Variants in PCDHGA2 observed in about 807,000 individuals in gnomAD.
The protein encoded by PCDHGA2 is protocadherin gamma subfamily A, 2.
In PCDHGA2, 40 loss-of-function variants were observed where a neutral mutation model predicts 59.2. The observed-to-expected ratio is 0.68, with a 90% confidence interval of 0.52 to 0.88. The LOEUF is 0.88. Ranked by LOEUF, PCDHGA2 falls within the 40% of genes least tolerant of loss-of-function variation. The pLI, the probability that PCDHGA2 is intolerant of heterozygous loss-of-function variation, is 0.00. For missense variants in PCDHGA2, 1,226 were observed against 1,204.0 expected, an observed-to-expected ratio of 1.02 and a Z score of -0.27; for synonymous variants, 560 against 526.0, an observed-to-expected ratio of 1.06 and a Z score of -0.89.
intron 1 of PCDHGA2, among the ~76,000 whole-genome samples, chr5:141,347,396 C>T (rs1254792805): frequency 6.6e-6 from 1 of 152,026 alleles, no homozygotes; most frequent in Admixed American, 6.6e-5. Context: ...CTCAAGTGAT[C>T]TGCCCACGTC....
At chr5:141,383,257 G>C in intron 1 of PCDHGA2, 1 of 1,613,922 alleles carries the variant, frequency 6.2e-7, no homozygotes, top group Non-Finnish European at 8.5e-7. Flanking sequence ...TTACCCTATA[G>C]ACGTGGAAAT....
intron 1 of PCDHGA2, chr5:141,405,487 T>G (rs750718741): frequency 4.3e-6 from 4 of 924,990 alleles, no homozygotes; most frequent in Non-Finnish European, 6.4e-6. Context: ...TGGTGTGATC[T>G]CGGCTCATTG....
At chr5:141,460,411 T>TG (rs2098988114) in intron 1 of PCDHGA2, among the ~76,000 whole-genome samples, 1 of 152,212 alleles carries the variant, frequency 6.6e-6, no homozygotes, top group Non-Finnish European at 1.5e-5. Context: ...TTTGAGTTGA[T>TG]GTTTATGTAT....
intron 1 of PCDHGA2, chr5:141,414,540 C>A (rs1158346953): frequency 1.2e-5 from 19 of 1,613,948 alleles, no homozygotes; most frequent in Non-Finnish European, 1.5e-5. Context: ...ACCCACCTAC[C>A]TTCTCTCAAG....
chr5:141,409,761 T>A, intron 1 of PCDHGA2: 1 of 1,612,966 alleles, frequency 6.2e-7, no homozygotes, highest in Non-Finnish European at 8.5e-7. Context: ...CAGCGCGCCT[T>A]TGATCACGAG....
chr5:141,409,875 A>G, intron 1 of PCDHGA2: 1 of 1,612,810 alleles, frequency 6.2e-7, no homozygotes, highest in Non-Finnish European at 8.5e-7. Flanking sequence ...CGCAATGACA[A>G]CGCACCGCGG....
Position 141,487,291 on chromosome 5 carries a change from C to T in PCDHGA2, c.2425-7516C>T, listed in dbSNP as rs748961925. The stretch of plus-strand genomic sequence containing the variant: ...TGGCAATTTGCTTTGTCTCCTTTGG[C>T]TCATTCGTGGCACTACTCTCTAAGT... On this transcript the variant is annotated intron_variant, in intron 1 of 3. Transcript: ENST00000394576. This position sits in a 1 kb window ranked among gnomAD's most constrained non-coding sequence, Gnocchi z 5.0. The T allele has an allele frequency of 1.9e-5, 30 of 1,614,036 alleles. No homozygotes were observed. Among genetic ancestry groups the T allele is most frequent in the Non-Finnish European group, 2.5e-5 (30 of 1,180,020 alleles).
intron 1 of PCDHGA2, among the ~76,000 whole-genome samples, chr5:141,381,820 C>CTTTCTTTCTTTCT (rs1279410534): frequency 1.7e-3 from 198 of 119,790 alleles, no homozygotes; most frequent in African/African-American, 6.6e-3. Context: ...TTCTTTCTTT[C>CTTTCTTTCTTTCT]TTCTTCTTTT....
chr5:141,342,180 A>G (rs1561485197), intron 1 of PCDHGA2: 2 of 152,116 alleles, frequency 1.3e-5, no homozygotes, highest in Admixed American at 6.6e-5. Context: ...TATATCCTCA[A>G]TATAGTTTTG....
chr5:141,468,651 G>C (rs2099171216), intron 1 of PCDHGA2: 1 of 152,018 alleles, frequency 6.6e-6, no homozygotes, highest in African/African-American at 2.4e-5. Context: ...CGGATCACAA[G>C]GTCAGGAGAT....
intron 1 of PCDHGA2, chr5:141,352,508 CTA>C: frequency 6.2e-7 from 1 of 1,614,022 alleles, no homozygotes; most frequent in African/African-American, 1.3e-5. Context: ...TTCCTACAAT[CTA>C]TGTATTGCCT....
intron 1 of PCDHGA2, chr5:141,409,404 A>T: frequency 5.0e-6 from 8 of 1,614,046 alleles, no homozygotes; most frequent in Non-Finnish European, 6.8e-6. Flanking sequence ...TCCAATAACT[A>T]CTACAAACTG....
At chr5:141,415,122 C>T (rs552568826) in intron 1 of PCDHGA2, 34 of 1,613,668 alleles carry the variant, frequency 2.1e-5, no homozygotes, top group Admixed American at 6.7e-5. Flanking sequence ...TCGTAGTGGC[C>T]GTCCAGGACC....
rs1210809217 is a variant in PCDHGA2 at position 141,432,990 on chromosome 5, A to G, written c.2425-61817A>G. The G allele has an allele frequency of 6.2e-7, 1 of 1,614,152 alleles. No individual in the cohort carries two copies. The highest frequency in any genetic ancestry group is 1.7e-5 in the Admixed American group (1 of 60,022). ...CCGGCGTCGCACTTTGTGGGCGTGGACGGGGTGCAGGCTTTCCTGCAGACC... is the reference window on the plus strand; with the variant it reads ...CCGGCGTCGCACTTTGTGGGCGTGGGCGGGGTGCAGGCTTTCCTGCAGACC... On this transcript the variant is annotated intron_variant, in intron 1 of 3. Transcript: ENST00000394576. This position sits in a 1 kb window ranked among gnomAD's most constrained non-coding sequence, Gnocchi z 6.0.
At chr5:141,366,358 CAGTATCA>C (rs1426997728) in intron 1 of PCDHGA2, 16 of 1,613,898 alleles carry the variant, frequency 9.9e-6, no homozygotes, top group African/African-American at 1.3e-5. Context: ...CTGACCTAGG[CAGTATCA>C]AGACCCCCAT....
At chr5:141,371,221 A>C (rs769598930) in intron 1 of PCDHGA2, 3 of 1,614,064 alleles carry the variant, frequency 1.9e-6, no homozygotes, top group Non-Finnish European at 1.7e-6. Context: ...ATCAATGCCG[A>C]AATCATCTAT....
At chr5:141,413,639 G>T (rs893578830) in intron 1 of PCDHGA2, 1 of 1,613,736 alleles carries the variant, frequency 6.2e-7, no homozygotes, top group African/African-American at 1.3e-5. Flanking sequence ...GCGGGAATGC[G>T]TTTTCCTCTC....
intron 1 of PCDHGA2, chr5:141,388,368 A>G (rs1420676769): frequency 1.2e-6 from 2 of 1,614,026 alleles, no homozygotes; most frequent in Admixed American, 3.3e-5. Context: ...TGATGCGGAT[A>G]TTGGTAGCAA....
intron 1 of PCDHGA2, among the ~76,000 whole-genome samples, chr5:141,450,826 A>T (rs965147554): frequency 1.9e-4 from 26 of 134,356 alleles, no homozygotes; most frequent in East Asian, 6.4e-4. Context: ...TATTATTATT[A>T]TTATTTTTTT....
Sources: gnomAD v4.1 joint callset for allele counts (sites outside exome capture counted in the v4.1 genomes callset) on GRCh38, gnomAD v4.1.1 for gene constraint, Gnocchi (gnomAD v3.1) non-coding constraint, MANE v1.5 for transcripts, NCBI Gene and HGNC (gene_info 2026-07-23, HGNC 2026-07-21) for gene names.